Variants in CEACAM16 observed in about 807,000 individuals in gnomAD.
The protein encoded by CEACAM16 is CEA cell adhesion molecule 16, tectorial membrane component, also known as cell adhesion molecule CEACAM16.
Under a neutral mutation model 39.4 loss-of-function variants are expected in CEACAM16, and 30 were observed. That is an observed-to-expected ratio of 0.76 (90% CI 0.57 to 1.03). CEACAM16 has a LOEUF of 1.03. CEACAM16 is among the 50% of genes least tolerant of loss of function. The pLI is 0.00. For missense variants in CEACAM16, 521 were observed against 585.3 expected (o/e 0.89, Z 1.13); for synonymous variants, 262 against 264.9 (o/e 0.99, Z 0.11).
At position 44,710,510 on chromosome 19, in the gene CEACAM16, C is replaced by A. The variant is rs199656542; in HGVS notation, c.*4C>A. ...ATGCCCCACAGCCCTGGGGTAACAG[C>A]GTGACCCTGGAGACGTCCAGAGAGA... On this transcript the variant is annotated 3_prime_UTR_variant, in exon 7 of 7. Transcript: ENST00000587331. 1.8e-4 allele frequency: 295 copies of A among 1,613,734 alleles called. No individual in the cohort carries two copies. The African/African-American group carries it at 3.6e-3, about 20-fold the overall frequency.
rs1189096107 is a variant in CEACAM16 at position 44,704,034 on chromosome 19, C to T, written c.399C>T (p.Pro133=). Residue 133 remains proline, a synonymous_variant, in exon 4 of 7, where the codon CCC becomes CCT. Transcript: ENST00000587331. ...HVQVHEILAQ[P]TVLANSTALV... ...CCCCCACAGAGATCCTGGCCCAGCC[C>T]ACAGTCTTGGCCAACAGCACAGCGC... 1 of 1,600,232 alleles carries T rather than the reference C, an allele frequency of 6.2e-7. No individual in the cohort carries two copies. The highest frequency in any genetic ancestry group is 8.5e-7 in the Non-Finnish European group (1 of 1,170,784).
rs368296153 is a variant in CEACAM16, at chr19:44,703,372, G to A, written c.61G>A (p.Glu21Lys). 50 of 1,610,270 alleles carry A rather than the reference G, an allele frequency of 3.1e-5. No individual in the cohort carries two copies. Among genetic ancestry groups the A allele is most frequent in the Non-Finnish European group, 4.0e-5 (47 of 1,177,184 alleles). The stretch of plus-strand genomic sequence containing the variant: ...AGCCACATTCCTGAATGTGGGGGCC[G>A]AGATCTCTATCACCCTGGAGCCTGC... ...LSATFLNVGA[E>K]ISITLEPAQP... is the part of the protein sequence containing the mutation. The change falls in exon 3 of 7, where the codon GAG (glutamate) becomes AAG (lysine). Residue 21 changes from glutamate to lysine, a missense_variant. By Grantham distance (56) the Glu-to-Lys change is moderately conservative. Transcript: ENST00000587331.
intron 1 of CEACAM16, chr19:44,699,498 T>A: frequency 2.2e-6 from 1 of 447,908 alleles, no homozygotes; most frequent in South Asian, 1.6e-5. Flanking sequence ...TGCTTCAGCC[T>A]CCCAAGTAGC....
rs1223885781 is a variant in CEACAM16, at chr19:44,704,209, C to T, written c.574C>T (p.Arg192Cys). 17 of 1,556,092 alleles carry T rather than the reference C, an allele frequency of 1.1e-5. No individual in the cohort carries two copies. The highest frequency in any genetic ancestry group is 9.5e-5 in the South Asian group (8 of 84,516). The change falls in exon 4 of 7, where the codon CGC (arginine) becomes TGC (cysteine). Residue 192 changes from arginine to cysteine, a missense_variant. Physicochemically the swap from Arg to Cys is radical, Grantham distance 180 (BLOSUM62 -3). Transcript: ENST00000587331. ...DGRVLARHGI[R>C]REEAGAYQCE... ...CCGGGTGCTGGCCAGGCATGGCATCCGCCGGGAGGAGGCCGGCGCCTATCA... is the reference window on the plus strand; with the variant it reads ...CCGGGTGCTGGCCAGGCATGGCATCTGCCGGGAGGAGGCCGGCGCCTATCA...
intron 4 of CEACAM16, among the ~76,000 whole-genome samples, chr19:44,705,292 G>GA (rs58843691): frequency 0.37 from 56,091 of 149,578 alleles, 11,800 homozygotes; most frequent in South Asian, 0.51. Flanking sequence ...GGCTTTGTCA[G>GA]AAAAAAAAAA....
At position 44,699,242 on chromosome 19, in the gene CEACAM16, T is replaced by G. The variant is rs755011863; in HGVS notation, c.-115T>G. ...AGTGAATGAGTGATTTACTGAGCAT[T>G]TACTCTGCGCCAGTCGTGGTAAGTA... On this transcript the variant is annotated 5_prime_UTR_variant, in exon 1 of 7. It adds an upstream start codon to the 5' untranslated region. Coordinates refer to ENST00000587331, the MANE Select transcript of CEACAM16 (RefSeq NM_001039213.4). The G allele has an allele frequency of 1.9e-6, 1 of 534,302 alleles. No individual in the cohort carries two copies. Among genetic ancestry groups the G allele is most frequent in the East Asian group, 5.4e-5 (1 of 18,358 alleles). 33.1% of individuals were successfully genotyped at this position (534,302 alleles called of 1,614,324 possible).
rs763317239 is a variant in CEACAM16 at position 44,708,187 on chromosome 19, C to T, written c.1267C>T (p.Pro423Ser). 5 of 1,561,728 alleles carry T rather than the reference C, an allele frequency of 3.2e-6. No homozygotes were observed. The highest frequency in any genetic ancestry group is 2.3e-5 in the South Asian group (2 of 86,096). The change falls in exon 6 of 7, where the codon CCC becomes TCC. Residue 423 changes from proline to serine, a missense_variant and splice_region_variant. Transcript: ENST00000587331. ...ACTGGAAGTGGAGCTGCAGGTGGCC[C>T]GTGAGTGTGTGGGAAGGGGCAAGGC... Reference protein sequence around the residue: ...ETLEVELQVAPLG With the variant: ...ETLEVELQVASLG
chr19:44,702,812 G>A (rs1032716842), intron 2 of CEACAM16, among the ~76,000 whole-genome samples: 2 of 152,232 alleles, frequency 1.3e-5, no homozygotes, highest in African/African-American at 4.8e-5. Context: ...TGACTGTCAC[G>A]ATGGGAAAAC....
Position 44,703,557 on chromosome 19 carries a change from G to C in CEACAM16, c.246G>C (p.Thr82=), listed in dbSNP as rs761814983. The change falls in exon 3 of 7, where the codon ACG becomes ACC. Residue 82 remains threonine, a synonymous_variant. Transcript: ENST00000587331. Reference sequence around the variant, plus strand: ...ATGAGACTCCTGGCCCGGCCCACACGGGGCGGGAGGCTGTGCGCCCCGATG... The same window carrying C: ...ATGAGACTCCTGGCCCGGCCCACACCGGGCGGGAGGCTGTGCGCCCCGATG... ...TGDETPGPAH[T]GREAVRPDGS... The C allele has an allele frequency of 1.3e-5, 21 of 1,612,292 alleles. No individual in the cohort carries two copies. The South Asian group carries it at 2.3e-4, about 18-fold the overall frequency.
At position 44,705,751 on chromosome 19, in the gene CEACAM16, C is replaced by T; in HGVS notation, c.823C>T (p.Gln275Ter). ...TFNGQALKNG[Q>*]DHLNISSMTA... Reference sequence around the variant, plus strand: ...CAACGGGCAGGCCCTAAAGAACGGCCAAGACCACCTCAACATCAGCAGCAT... The same window carrying T: ...CAACGGGCAGGCCCTAAAGAACGGCTAAGACCACCTCAACATCAGCAGCAT... Residue 275 changes from glutamine to a stop codon, truncating the protein, a stop_gained, in exon 5 of 7, where the codon CAA becomes TAA. Coordinates refer to ENST00000587331, the MANE Select transcript of CEACAM16 (RefSeq NM_001039213.4). LOFTEE classifies it high-confidence loss of function. 1.9e-6 allele frequency: 3 copies of T among 1,614,016 alleles called. 1 individual carries two copies. Among genetic ancestry groups the T allele is most frequent in the Middle Eastern group, 1.7e-4 (1 of 6,060 alleles).
At chr19:44,700,912 C>T (rs1599806912) in intron 1 of CEACAM16, among the ~76,000 whole-genome samples, 2 of 152,194 alleles carry the variant, frequency 1.3e-5, no homozygotes, top group African/African-American at 4.8e-5. Context: ...GGAGTCCCCA[C>T]CTAGCTCATC....
intron 6 of CEACAM16, among the ~76,000 whole-genome samples, chr19:44,709,642 C>G (rs1411220581): frequency 2.0e-5 from 3 of 150,122 alleles, no homozygotes; most frequent in South Asian, 2.1e-4. Flanking sequence ...GAGTCAGGGT[C>G]TATGTCTCCT....
chr19:44,702,291 T>C (rs1382404823), intron 2 of CEACAM16, among the ~76,000 whole-genome samples: 1 of 144,890 alleles, frequency 6.9e-6, no homozygotes, highest in Non-Finnish European at 1.5e-5. Flanking sequence ...AGACTCCATC[T>C]CAAAAAAAAA....
At chr19:44,705,270 C>T (rs1048289586) in intron 4 of CEACAM16, among the ~76,000 whole-genome samples, 2 of 151,026 alleles carry the variant, frequency 1.3e-5, no homozygotes, top group Non-Finnish European at 3.0e-5. Flanking sequence ...TAGAATTCTA[C>T]ACTCTTAGAA....
At position 44,701,541 on chromosome 19, in the gene CEACAM16, A is replaced by G. The variant is rs1974347512; in HGVS notation, c.37+48A>G. ...AGCACCTCAGCCCCCCGAGGACCCC[A>G]GGGAGGGGAGGGGACCCCCAGTCTG... On this transcript the variant is annotated intron_variant, in intron 2 of 6. Coordinates refer to ENST00000587331, the MANE Select transcript of CEACAM16 (RefSeq NM_001039213.4). This position sits in a 1 kb window ranked among gnomAD's most constrained non-coding sequence, Gnocchi z 4.0. 3.3e-6 allele frequency: 5 copies of G among 1,525,562 alleles called. No homozygotes were observed. The highest frequency in any genetic ancestry group is 4.4e-6 in the Non-Finnish European group (5 of 1,125,592). The allele number at this position is 1,525,562 out of a possible 1,614,324, so 94.5% of individuals were successfully genotyped here.
intron 5 of CEACAM16, 92 bp from the exon 6 acceptor site, chr19:44,707,769 C>T: frequency 8.4e-7 from 1 of 1,190,646 alleles, no homozygotes; most frequent in Non-Finnish European, 1.1e-6. Context: ...TGGGGAGTGC[C>T]AGCCAGCTGG....
chr19:44,706,487 C>T (rs185090118), intron 5 of CEACAM16, among the ~76,000 whole-genome samples: 1 of 152,280 alleles, frequency 6.6e-6, no homozygotes, highest in African/African-American at 2.4e-5. Context: ...TGGCTTTGAA[C>T]ATTAAGGCCT....
chr19:44,703,184 A>C (rs1023822905), intron 2 of CEACAM16, among the ~76,000 whole-genome samples, 165 bp from the exon 3 acceptor site: 1 of 152,166 alleles, frequency 6.6e-6, no homozygotes, highest in Non-Finnish European at 1.5e-5. Flanking sequence ...GGTGGCTGAG[A>C]TGTTGAGAGT....
rs148745155 is a variant in CEACAM16, at chr19:44,699,472, G to A, written c.-97+212G>A. The A allele has an allele frequency of 2.0e-3, 944 of 463,018 alleles. 15 individuals carry two copies. The highest frequency in any genetic ancestry group is 0.018 in the African/African-American group (864 of 49,368). The allele number at this position is 463,018 out of a possible 1,614,324, so 28.7% of individuals were successfully genotyped here. A position where few individuals can be genotyped will look rare whatever the true frequency, so the allele number is the denominator to read the frequency against. ...ATGGAGTTTCACTCTTTTGCCCAGGGTTCAAGCAATTCTCCTGCTTCAGCC... is the reference window on the plus strand; with the variant it reads ...ATGGAGTTTCACTCTTTTGCCCAGGATTCAAGCAATTCTCCTGCTTCAGCC... On this transcript the variant is annotated intron_variant, in intron 1 of 6. Transcript: ENST00000587331.
Sources: allele counts gnomAD v4.1 joint callset (sites outside exome capture counted in the v4.1 genomes callset), GRCh38; gene constraint gnomAD v4.1.1; non-coding constraint Gnocchi (gnomAD v3.1); transcripts MANE v1.5; gene names NCBI Gene and HGNC (gene_info 2026-07-23, HGNC 2026-07-21).